The following SLC25A24 variants were observed in gnomAD, a reference collection of about 807,000 sequenced individuals.
SLC25A24 encodes mitochondrial adenyl nucleotide antiporter SLC25A24.
In SLC25A24, 49 loss-of-function variants were observed where a neutral mutation model predicts 60.7. That is an observed-to-expected ratio of 0.81 (90% CI 0.64 to 1.02). SLC25A24 has a LOEUF of 1.02. Ranked by LOEUF, SLC25A24 falls within the 50% of genes least tolerant of loss-of-function variation. The probability of loss-of-function intolerance (pLI) is 0.00; values close to 1 mark genes in which losing one functional copy is unlikely to be tolerated. For missense variants in SLC25A24, 564 were observed against 586.3 expected (o/e 0.96, Z 0.39); for synonymous variants, 202 against 200.6 (o/e 1.01, Z -0.06).
chr1:108,149,370 G>A (rs1679695077), intron 6 of SLC25A24, among the ~76,000 whole-genome samples: 1 of 152,084 alleles, frequency 6.6e-6, no homozygotes, highest in Admixed American at 6.5e-5. Context: ...GACCTGAGCT[G>A]GAACTCCAGA....
chr1:108,199,599 G>C, intron 1 of SLC25A24: 1 of 394,980 alleles, frequency 2.5e-6, no homozygotes, highest in Non-Finnish European at 4.5e-6. Flanking sequence ...ACTGAAGTCT[G>C]ACAGCTAAAA....
chr1:108,165,628 T>C (rs1459353031), intron 3 of SLC25A24, among the ~76,000 whole-genome samples: 1 of 152,180 alleles, frequency 6.6e-6, no homozygotes, highest in Non-Finnish European at 1.5e-5. Flanking sequence ...CTGTCTTTTT[T>C]TGTTTTCCAT....
chr1:108,200,326 G>T lies in SLC25A24; in HGVS notation c.-188C>A. 2.7e-6 allele frequency: 1 copy of T among 368,650 alleles called. No homozygotes were observed. Among genetic ancestry groups the T allele is most frequent in the Non-Finnish European group, 4.5e-6 (1 of 220,570 alleles). The allele number at this position is 368,650 out of a possible 1,614,324, so 22.8% of individuals were successfully genotyped here. The stretch of plus-strand genomic sequence containing the variant: ...AGGAGCGGAGACCCCACCCGAGCCC[G>T]CGCGGAGCGCAGGGTGTGGCCGTCC... On this transcript the variant is annotated 5_prime_UTR_variant, in exon 1 of 10. Coordinates refer to ENST00000565488, the MANE Select transcript of SLC25A24 (RefSeq NM_013386.5).
In SLC25A24 at chr1:108,191,087, T is replaced by A. The variant is rs1261160189; in HGVS notation, c.184-5133A>T. ...TCAAATAAACAAATACAACTTACAC[T>A]TGCAAATCTAAATATAAGAGTGTCT... On this transcript the variant is annotated intron_variant, in intron 1 of 9. Coordinates refer to ENST00000565488, the MANE Select transcript of SLC25A24 (RefSeq NM_013386.5). Among the ~76,000 whole-genome samples the A allele has an allele frequency of 1.4e-5, 2 of 140,254 alleles. 1 individual carries two copies. The highest frequency in any genetic ancestry group is 3.1e-5 in the Non-Finnish European group (2 of 63,926). The allele number at this position is 140,254 out of a possible 152,430, so 92.0% of individuals were successfully genotyped here. A position where few individuals can be genotyped will look rare whatever the true frequency, so the allele number is the denominator to read the frequency against.
chr1:108,139,182 A>G lies in SLC25A24; in HGVS notation c.1125T>C (p.Asn375=), dbSNP rs765502009. The G allele has an allele frequency of 1.2e-6, 2 of 1,607,822 alleles. No individual in the cohort carries two copies. The highest frequency in any genetic ancestry group is 1.1e-5 in the South Asian group (1 of 89,364). The part of the protein sequence containing the change: ...YELLKSYWLD[N]FAKDSVNPGV... Reference sequence around the variant, plus strand: ...CAGGGTTTACAGAATCTTTTGCAAAATTATCCAGCCAATAGGACTTCAAGA... The same window carrying G: ...CAGGGTTTACAGAATCTTTTGCAAAGTTATCCAGCCAATAGGACTTCAAGA... Residue 375 remains asparagine, a synonymous_variant, in exon 9 of 10, where the codon AAT becomes AAC. Transcript: ENST00000565488.
At chr1:108,168,965 T>C (rs751211224) in intron 3 of SLC25A24, among the ~76,000 whole-genome samples, 3 of 152,232 alleles carry the variant, frequency 2.0e-5, no homozygotes, top group Non-Finnish European at 4.4e-5. Flanking sequence ...CAAGCTGTTA[T>C]AGTTTAACTT....
chr1:108,190,693 C>CT (rs61203492), intron 1 of SLC25A24, among the ~76,000 whole-genome samples: 18,231 of 128,666 alleles, frequency 0.14, 3,231 homozygotes, highest in African/African-American at 0.23. Context: ...AGTATCATTT[C>CT]TTTTTTTTTT....
chr1:108,173,581 T>C (rs1182686506), intron 3 of SLC25A24, among the ~76,000 whole-genome samples: 1 of 152,150 alleles, frequency 6.6e-6, no homozygotes, highest in African/African-American at 2.4e-5. Context: ...TGGGTGCTAC[T>C]ATAAGGATAC....
intron 3 of SLC25A24, among the ~76,000 whole-genome samples, chr1:108,173,931 AAG>A (rs1647573436): frequency 1.3e-5 from 2 of 152,276 alleles, no homozygotes; most frequent in Admixed American, 1.3e-4. Context: ...CTTTGAACCT[AAG>A]AGAGATGATT....
rs751904199 is a variant in SLC25A24 at position 108,200,121 on chromosome 1, C to A, written c.18G>T (p.Arg6=). ...AGGCCGCGGTGGGCAGCACGAAGTC[C>A]CGCAGCCAGCGCAACATGGTCCCAG... MLRWL[R]DFVLPTAACQ... is the part of the protein sequence containing the mutation. The change falls in exon 1 of 10, where the codon CGG becomes CGT. Residue 6 remains arginine, a synonymous_variant. Coordinates refer to ENST00000565488, the MANE Select transcript of SLC25A24 (RefSeq NM_013386.5). The A allele has an allele frequency of 8.3e-5, 130 of 1,558,028 alleles. No individual in the cohort carries two copies. Among genetic ancestry groups the A allele is most frequent in the African/African-American group, 4.1e-5 (3 of 73,696 alleles).
intron 1 of SLC25A24, among the ~76,000 whole-genome samples, chr1:108,188,725 A>G (rs1426525888): frequency 6.6e-6 from 1 of 152,206 alleles, no homozygotes; most frequent in African/African-American, 2.4e-5. Context: ...CTGTCTCCCT[A>G]TGCTGGCTTT....
At chr1:108,187,488 A>G (rs190895720) in intron 1 of SLC25A24, among the ~76,000 whole-genome samples, 1 of 152,208 alleles carries the variant, frequency 6.6e-6, no homozygotes, top group Non-Finnish European at 1.5e-5. Flanking sequence ...ACTACTAGAC[A>G]CTATAGACAT....
At position 108,155,089 on chromosome 1, in the gene SLC25A24, C is replaced by T. The variant is rs779262141; in HGVS notation, c.716G>A (p.Arg239Gln). The T allele has an allele frequency of 5.6e-6, 9 of 1,612,204 alleles. No individual in the cohort carries two copies. The highest frequency in any genetic ancestry group is 1.7e-5 in the Admixed American group (1 of 59,710). ...GATACCTCCTTCTTTTACCATCTGT[C>T]GAAAGCCACCAAATATGTTCATTTT... Reference protein sequence around the residue: ...SDKMNIFGGFRQMVKEGGIRS... With the variant: ...SDKMNIFGGFQQMVKEGGIRS... The change falls in exon 6 of 10, where the codon CGA (arginine) becomes CAA (glutamine). Residue 239 changes from arginine to glutamine, a missense_variant. Physicochemically the swap from Arg to Gln is conservative, Grantham distance 43. Coordinates refer to ENST00000565488, the MANE Select transcript of SLC25A24 (RefSeq NM_013386.5).
chr1:108,139,123 G>C lies in SLC25A24; in HGVS notation c.1184C>G (p.Ser395Cys). ...GCTGGCCAGCTGACCACAGGTGCTG[G>C]ATAAGGCACCGCATCCCAGCAACAC... The part of the protein sequence containing the change: ...VMVLLGCGAL[S>C]STCGQLASYP... The change falls in exon 9 of 10, where the codon TCC (serine) becomes TGC (cysteine). Residue 395 changes from serine (S) to cysteine (C), a missense_variant. Coordinates refer to ENST00000565488, the MANE Select transcript of SLC25A24 (RefSeq NM_013386.5). 6.2e-7 allele frequency: 1 copy of C among 1,611,034 alleles called. No homozygotes were observed. Among genetic ancestry groups the C allele is most frequent in the Non-Finnish European group, 8.5e-7 (1 of 1,178,614 alleles).
In SLC25A24 at chr1:108,145,171, G is replaced by A. The variant is rs377117371; in HGVS notation, c.931-1461C>T. 3.9e-4 allele frequency among the ~76,000 whole-genome samples: 59 copies of A among 152,218 alleles called. No homozygotes were observed. The South Asian group carries it at 6.7e-3, about 17-fold the overall frequency. On this transcript the variant is annotated intron_variant, in intron 7 of 9. Transcript: ENST00000565488. Reference sequence around the variant, plus strand: ...TGATTTGCATTTCTCTAACAACCAGGGATGATGAGCCTTTTCTCACGTTTG... The same window carrying A: ...TGATTTGCATTTCTCTAACAACCAGAGATGATGAGCCTTTTCTCACGTTTG...
intron 4 of SLC25A24, among the ~76,000 whole-genome samples, chr1:108,160,768 C>T (rs1179614534): frequency 6.6e-6 from 1 of 152,220 alleles, no homozygotes; most frequent in South Asian, 2.1e-4. Flanking sequence ...GCCAACATAG[C>T]GAAACCCCGT....
chr1:108,175,808 T>C (rs1253272498), intron 3 of SLC25A24, among the ~76,000 whole-genome samples: 1 of 152,226 alleles, frequency 6.6e-6, no homozygotes, highest in Non-Finnish European at 1.5e-5. Context: ...GCAGCCACTT[T>C]AGAAACAATT....
At chr1:108,166,755 C>G (rs1248048797) in intron 3 of SLC25A24, among the ~76,000 whole-genome samples, 1 of 152,196 alleles carries the variant, frequency 6.6e-6, no homozygotes, top group Admixed American at 6.5e-5. Flanking sequence ...TCCCATAGCT[C>G]AGAGTAATTT....
At chr1:108,189,500 C>A (rs914697024) in intron 1 of SLC25A24, among the ~76,000 whole-genome samples, 3 of 152,258 alleles carry the variant, frequency 2.0e-5, no homozygotes, top group African/African-American at 7.2e-5. Flanking sequence ...AGTAGCTGAA[C>A]CAGTTATCAG....
Sources: gnomAD v4.1 joint callset for allele counts (sites outside exome capture counted in the v4.1 genomes callset) on GRCh38, gnomAD v4.1.1 for gene constraint, MANE v1.5 for transcripts, NCBI Gene and HGNC (gene_info 2026-07-23, HGNC 2026-07-21) for gene names.